The following RFT1 variants were observed in gnomAD, a reference collection of about 807,000 sequenced individuals.
RFT1 encodes RFT1 glycolipid translocator homolog.
RFT1 carries 43 observed loss-of-function variants against 62.2 expected under a neutral mutation model. The ratio of observed to expected loss-of-function variants is 0.69; its 90% CI spans 0.54 to 0.89. RFT1 has a LOEUF of 0.89. RFT1 is among the 40% of genes least tolerant of loss of function. The pLI is 0.00. For synonymous variants in RFT1, 262 were observed against 264.6 expected (o/e 0.99, Z 0.10); for missense variants, 605 against 649.9 (o/e 0.93, Z 0.75).
chr3:53,104,145 G>C, intron 9 of RFT1, 48 bp from the exon 10 acceptor site: 2 of 1,604,112 alleles, frequency 1.2e-6, no homozygotes, highest in Non-Finnish European at 1.7e-6. Context: ...ATGAGCTGAA[G>C]AAAACCTTCA....
chr3:53,085,486 G>A (rs1252235341), downstream of RFT1, among the ~76,000 whole-genome samples: 3 of 152,214 alleles, frequency 2.0e-5, no homozygotes, highest in East Asian at 1.9e-4. Flanking sequence ...GAAATAGAAC[G>A]TTTCAAAATT....
At chr3:53,120,198 T>C (rs1701931384) in intron 5 of RFT1, among the ~76,000 whole-genome samples, 177 bp from the exon 6 acceptor site, 1 of 152,348 alleles carries the variant, frequency 6.6e-6, no homozygotes, top group South Asian at 2.1e-4. Flanking sequence ...CTGCAGCATC[T>C]ACCTGCAAAG....
At chr3:53,094,914 C>T (rs1218239911) in intron 11 of RFT1, among the ~76,000 whole-genome samples, 1 of 152,116 alleles carries the variant, frequency 6.6e-6, no homozygotes, top group Non-Finnish European at 1.5e-5. Flanking sequence ...CACAAATCTA[C>T]AGCCTTAAAG....
intron 4 of RFT1, 135 bp downstream of exon 4, chr3:53,122,239 T>C (rs1701989731): frequency 3.5e-6 from 3 of 857,252 alleles, no homozygotes; most frequent in African/African-American, 3.3e-5. Context: ...TAACTGACCA[T>C]GTTATCTTTT....
At chr3:53,084,716 T>C (rs1234830372), downstream of RFT1, among the ~76,000 whole-genome samples, 1 of 152,234 alleles carries the variant, frequency 6.6e-6, no homozygotes, top group East Asian at 1.9e-4. Flanking sequence ...CACTGAGCAC[T>C]GTGAACCCAG....
chr3:53,072,284 C>T, the RFT1 span, among the ~76,000 whole-genome samples: 10 of 152,084 alleles, frequency 6.6e-5, no homozygotes, highest in Admixed American at 3.9e-4. Flanking sequence ...CCTGCCCGGG[C>T]GGGAACCCTG....
At chr3:53,120,488 A>G (rs748486325) in intron 5 of RFT1, among the ~76,000 whole-genome samples, 16 of 152,232 alleles carry the variant, frequency 1.1e-4, no homozygotes, top group East Asian at 1.9e-4. Flanking sequence ...ACAAAGCACA[A>G]TTGAGCTGCT....
chr3:53,114,760 G>A (rs938050366), intron 6 of RFT1, among the ~76,000 whole-genome samples: 102 of 152,240 alleles, frequency 6.7e-4, no homozygotes, highest in African/African-American at 2.3e-3. Flanking sequence ...GAGAAATGGC[G>A]GCTAAGGTGG....
Position 53,091,527 on chromosome 3 carries a change from T to C in RFT1, c.*376A>G, listed in dbSNP as rs1436577733. 3.8e-6 allele frequency: 1 copy of C among 264,910 alleles called. No homozygotes were observed. The highest frequency in any genetic ancestry group is 2.2e-5 in the African/African-American group (1 of 45,560). 16.4% of individuals were successfully genotyped at this position (264,910 alleles called of 1,614,324 possible). A position where few individuals can be genotyped will look rare whatever the true frequency, so the allele number is the denominator to read the frequency against. The stretch of plus-strand genomic sequence containing the variant: ...TGAAGGGTAAAATCACTGCATCTCT[T>C]TTTCTGGGCCAGATAATTATTAACA... On this transcript the variant is annotated 3_prime_UTR_variant, in exon 13 of 13. Transcript: ENST00000296292.
At chr3:53,093,518 T>C (rs997988236) in intron 11 of RFT1, among the ~76,000 whole-genome samples, 3 of 152,170 alleles carry the variant, frequency 2.0e-5, no homozygotes, top group East Asian at 3.8e-4. Context: ...TATATAGCTG[T>C]TGAGGGAACC....
chr3:53,105,033 G>A (rs1329244549), intron 9 of RFT1, among the ~76,000 whole-genome samples: 1 of 152,244 alleles, frequency 6.6e-6, no homozygotes, highest in Non-Finnish European at 1.5e-5. Flanking sequence ...GATAAGGGAA[G>A]CATTCTTACG....
At chr3:53,072,898 G>T in the RFT1 span, among the ~76,000 whole-genome samples, 1 of 152,260 alleles carries the variant, frequency 6.6e-6, no homozygotes, top group African/African-American at 2.4e-5. Flanking sequence ...CGACCTCAGA[G>T]GAGCCCACCG....
At chr3:53,094,631 T>TA (rs1443426783) in intron 11 of RFT1, among the ~76,000 whole-genome samples, 1 of 152,082 alleles carries the variant, frequency 6.6e-6, no homozygotes, top group Non-Finnish European at 1.5e-5. Flanking sequence ...GCAGCAGAGA[T>TA]ATGTAACCTG....
the RFT1 span, among the ~76,000 whole-genome samples, chr3:53,081,134 T>C: frequency 6.6e-6 from 1 of 152,150 alleles, no homozygotes; most frequent in Non-Finnish European, 1.5e-5. Context: ...CCAGGGCTCC[T>C]GAGGACATCA....
chr3:53,101,590 G>C (rs935852865), intron 10 of RFT1, among the ~76,000 whole-genome samples: 12 of 152,186 alleles, frequency 7.9e-5, no homozygotes, highest in Non-Finnish European at 1.5e-5. Flanking sequence ...GTTTTAAGTT[G>C]AACTGTCCCC....
intron 7 of RFT1, among the ~76,000 whole-genome samples, chr3:53,109,377 T>C (rs1343867631): frequency 1.3e-5 from 2 of 152,176 alleles, no homozygotes; most frequent in Admixed American, 6.5e-5. Context: ...ACCACATAAA[T>C]GTCTGTGTCT....
chr3:53,125,422 A>G (rs1289947432), intron 2 of RFT1, among the ~76,000 whole-genome samples: 1 of 152,214 alleles, frequency 6.6e-6, no homozygotes, highest in Non-Finnish European at 1.5e-5. Context: ...CCTCCAAGAA[A>G]CTGATGACAA....
the RFT1 span, among the ~76,000 whole-genome samples, chr3:53,067,009 A>G: frequency 6.6e-6 from 1 of 152,238 alleles, no homozygotes; most frequent in African/African-American, 2.4e-5. Flanking sequence ...CAACTGTTAC[A>G]CAGGGCAGCG....
chr3:53,101,410 C>G (rs1200864821), intron 10 of RFT1, among the ~76,000 whole-genome samples: 1 of 152,156 alleles, frequency 6.6e-6, no homozygotes, highest in Non-Finnish European at 1.5e-5. Flanking sequence ...TACGTGGTAA[C>G]TGAACGCTAA....
Sources: gnomAD v4.1 joint callset for allele counts (sites outside exome capture counted in the v4.1 genomes callset) on GRCh38, gnomAD v4.1.1 for gene constraint, MANE v1.5 for transcripts, NCBI Gene and HGNC (gene_info 2026-07-23, HGNC 2026-07-21) for gene names.